The following PCDHA4 variants were observed in gnomAD, a reference collection of about 807,000 sequenced individuals.
The protein encoded by PCDHA4 is protocadherin alpha-4.
PCDHA4 carries 49 observed loss-of-function variants against 61.4 expected under a neutral mutation model. The ratio of observed to expected loss-of-function variants is 0.80; its 90% CI spans 0.63 to 1.01. PCDHA4 has a LOEUF of 1.01. Among genes scored for constraint, PCDHA4 ranks in the 50% least tolerant of loss-of-function variants. The pLI is 0.00. For missense variants in PCDHA4, 1,254 were observed against 1,235.8 expected (o/e 1.01, Z -0.22); for synonymous variants, 590 against 550.3 (o/e 1.07, Z -1.01).
At position 140,842,418 on chromosome 5, in the gene PCDHA4, G is replaced by A. The variant is rs2150335492; in HGVS notation, c.2385+32846G>A. The A allele has an allele frequency of 1.9e-5, 31 of 1,613,276 alleles. No individual in the cohort carries two copies. In the South Asian group the frequency reaches 2.9e-4, roughly 15 times the overall value. On this transcript the variant is annotated intron_variant, in intron 1 of 3. Coordinates refer to ENST00000530339, the MANE Select transcript of PCDHA4 (RefSeq NM_018907.4). ...CCTGTACGTGAAGACGCTCAATTTG[G>A]TACTGTCATCGCCCTAATTAGCGTG...
intron 1 of PCDHA4, chr5:140,859,483 G>C (rs1554152411): frequency 9.7e-6 from 2 of 206,816 alleles, no homozygotes; most frequent in African/African-American, 4.7e-5. Flanking sequence ...GTGTTTTCCT[G>C]AAATTGGTTG....
In PCDHA4 at chr5:140,854,965, C is replaced by T. The variant is rs951485051; in HGVS notation, c.2385+45393C>T. Among the ~76,000 whole-genome samples the T allele has an allele frequency of 4.0e-5, 6 of 149,774 alleles. 1 individual carries two copies. Among genetic ancestry groups the T allele is most frequent in the African/African-American group, 1.5e-4 (6 of 40,950 alleles). ...TAATAAATTTCTTAATTACTTTATT[C>T]AGAATTATAATTAAGATTCTTTTTG... On this transcript the variant is annotated intron_variant, in intron 1 of 3. Coordinates refer to ENST00000530339, the MANE Select transcript of PCDHA4 (RefSeq NM_018907.4).
chr5:140,850,107 C>A lies in PCDHA4; in HGVS notation c.2385+40535C>A, dbSNP rs2150467518. ...GCTGCTACAGTTCCAGGTGAGCGCG[C>A]GCGACGCGGGCGTGCCGCCTCTGGG... On this transcript the variant is annotated intron_variant, in intron 1 of 3. Coordinates refer to ENST00000530339, the MANE Select transcript of PCDHA4 (RefSeq NM_018907.4). 6.9e-6 allele frequency: 11 copies of A among 1,596,052 alleles called. 2 individuals carry two copies. In the Admixed American group the frequency reaches 1.0e-4, roughly 15 times the overall value.
chr5:140,836,417 G>T, intron 1 of PCDHA4: 2 of 1,613,822 alleles, frequency 1.2e-6, no homozygotes, highest in Non-Finnish European at 1.7e-6. Flanking sequence ...CACCAAAGGC[G>T]TCGTCGCGGG....
intron 1 of PCDHA4, among the ~76,000 whole-genome samples, chr5:140,921,888 AAGG>A (rs1354196773): frequency 2.0e-5 from 3 of 152,090 alleles, no homozygotes; most frequent in African/African-American, 7.2e-5. Flanking sequence ...AGATTTTAGA[AAGG>A]AGGATAAATA....
rs558900138 is a variant in PCDHA4, at chr5:140,898,510, C to T, written c.2386-80439C>T. On this transcript the variant is annotated intron_variant, in intron 1 of 3. Coordinates refer to ENST00000530339, the MANE Select transcript of PCDHA4 (RefSeq NM_018907.4). ...AGATCAGATAGTTGTAGATATGCGG[C>T]GTTATTTCTGAGGGCTCTGTTCTGT... Among the ~76,000 whole-genome samples, 9 of 152,196 alleles carry T rather than the reference C, an allele frequency of 5.9e-5. No homozygotes were observed. In the South Asian group the frequency reaches 6.2e-4, roughly 11 times the overall value.
rs1041924506 is a variant in PCDHA4 at position 140,932,800 on chromosome 5, C to T, written c.2386-46149C>T. ...GAGTGGACATAAGAGAAAAGCAATA[C>T]CTTGGAAACATATAAGTGGGAAAGT... On this transcript the variant is annotated intron_variant, in intron 1 of 3. Coordinates refer to ENST00000530339, the MANE Select transcript of PCDHA4 (RefSeq NM_018907.4). Among the ~76,000 whole-genome samples the T allele has an allele frequency of 2.6e-5, 4 of 151,684 alleles. No homozygotes were observed. The East Asian group carries it at 5.8e-4, about 22-fold the overall frequency.
intron 3 of PCDHA4, among the ~76,000 whole-genome samples, chr5:140,990,310 C>A (rs1371432693): frequency 3.9e-5 from 6 of 152,110 alleles, no homozygotes; most frequent in African/African-American, 1.2e-4. Context: ...CTGTAAAAAA[C>A]CAACCAAACA....
Position 140,877,800 on chromosome 5 carries a change from T to G in PCDHA4, c.2385+68228T>G. 2.5e-6 allele frequency: 4 copies of G among 1,613,522 alleles called. No homozygotes were observed. In the Middle Eastern group the frequency reaches 5.0e-4, roughly 200 times the overall value. On this transcript the variant is annotated intron_variant, in intron 1 of 3. Transcript: ENST00000530339. ...ACCTCATGGCCTTCAGCCCAAGCCT[T>G]CAGCTGTCTCGAGAAGATTGTTTAA...
intron 1 of PCDHA4, chr5:140,856,933 C>T: frequency 5.0e-6 from 8 of 1,593,874 alleles, no homozygotes; most frequent in Non-Finnish European, 6.0e-6. Flanking sequence ...TTTGGATAAA[C>T]GAAAGGACGG....
At chr5:140,897,395 G>A (rs1583270355) in intron 1 of PCDHA4, among the ~76,000 whole-genome samples, 1 of 135,586 alleles carries the variant, frequency 7.4e-6, no homozygotes, top group Middle Eastern at 5.0e-3. Flanking sequence ...GTGTCCATGT[G>A]TTCTCATTGT....
At chr5:140,979,894 C>G (rs1183667310) in intron 2 of PCDHA4, among the ~76,000 whole-genome samples, 2 of 152,206 alleles carry the variant, frequency 1.3e-5, no homozygotes, top group African/African-American at 4.8e-5. Context: ...ATTCACCAAA[C>G]TTAGATCAGT....
Position 140,884,301 on chromosome 5 carries a change from C to T in PCDHA4, c.2385+74729C>T, listed in dbSNP as rs375535055. On this transcript the variant is annotated intron_variant, in intron 1 of 3. Transcript: ENST00000530339. ...GTGGAGAGCGGCCAAGCGCCACAGG[C>T]TTCGTCGAGGGCGTCGGCAGGCGCT... 4.3e-6 allele frequency: 7 copies of T among 1,613,608 alleles called. No homozygotes were observed. The African/African-American group carries it at 8.0e-5, about 18-fold the overall frequency.
At chr5:140,969,608 CAG>C in intron 1 of PCDHA4, 1 of 747,330 alleles carries the variant, frequency 1.3e-6, no homozygotes, top group South Asian at 2.1e-5. Flanking sequence ...TGCTAAAACA[CAG>C]ATTTGTAGAG....
chr5:141,003,258 G>T (rs1029666608), intron 3 of PCDHA4, among the ~76,000 whole-genome samples: 1 of 152,240 alleles, frequency 6.6e-6, no homozygotes, highest in Admixed American at 6.5e-5. Flanking sequence ...TTCCTGGGCA[G>T]TGCCTAAGGG....
Position 141,010,550 on chromosome 5 carries a change from ACC to A in PCDHA4, c.*617_*618del. 3.2e-6 allele frequency: 1 copy of A among 316,712 alleles called. No individual in the cohort carries two copies. The highest frequency in any genetic ancestry group is 5.8e-6 in the Non-Finnish European group (1 of 172,196). The allele number at this position is 316,712 out of a possible 1,614,324, so 19.6% of individuals were successfully genotyped here. ...CAGCCACCCTCTAGGAGACAAAACT[ACC>A]CCCACTGACAAGGCTTTAGGAGACC... On this transcript the variant is annotated 3_prime_UTR_variant, in exon 4 of 4. Transcript: ENST00000530339.
At chr5:140,823,590 G>A in intron 1 of PCDHA4, 6 of 1,614,004 alleles carry the variant, frequency 3.7e-6, no homozygotes, top group Non-Finnish European at 5.1e-6. Context: ...ACAACGCTTG[G>A]CTTTCGTATG....
chr5:140,936,820 T>C (rs2091164037), intron 1 of PCDHA4, among the ~76,000 whole-genome samples: 1 of 152,236 alleles, frequency 6.6e-6, no homozygotes, highest in Non-Finnish European at 1.5e-5. Flanking sequence ...TTTTTGGCCC[T>C]TTGCATTTCT....
At chr5:140,997,062 G>T (rs1159348962) in intron 3 of PCDHA4, among the ~76,000 whole-genome samples, 2 of 151,910 alleles carry the variant, frequency 1.3e-5, no homozygotes, top group African/African-American at 4.8e-5. Flanking sequence ...GCAGTTTTAG[G>T]TTCACAGGAA....
Sources: allele counts gnomAD v4.1 joint callset (sites outside exome capture counted in the v4.1 genomes callset), GRCh38; gene constraint gnomAD v4.1.1; transcripts MANE v1.5; gene names NCBI Gene and HGNC (gene_info 2026-07-23, HGNC 2026-07-21).